The following SERTAD2 variants were observed in gnomAD, a reference collection of about 807,000 sequenced individuals.
SERTAD2 encodes SERTA domain containing 2.
In SERTAD2, 2 loss-of-function variants were observed where a neutral mutation model predicts 15.4. The ratio of observed to expected loss-of-function variants is 0.13; its 90% CI spans 0.05 to 0.41. The LOEUF (loss-of-function observed/expected upper bound fraction) is 0.41. SERTAD2 is among the 10% of genes least tolerant of loss of function. SERTAD2 has a pLI of 0.99. For synonymous variants in SERTAD2, 180 were observed against 178.0 expected, an observed-to-expected ratio of 1.01 and a Z score of -0.09; for missense variants, 333 against 409.7, an observed-to-expected ratio of 0.81 and a Z score of 1.62.
At chr2:64,639,580 G>A (rs1377438813) in intron 1 of SERTAD2, among the ~76,000 whole-genome samples, 1 of 152,218 alleles carries the variant, frequency 6.6e-6, no homozygotes, top group Admixed American at 6.5e-5. Flanking sequence ...ATTTAGGGAA[G>A]ATGGTGTAGA....
chr2:64,652,488 C>G (rs1220187945), intron 1 of SERTAD2, among the ~76,000 whole-genome samples: 1 of 152,210 alleles, frequency 6.6e-6, no homozygotes, highest in Non-Finnish European at 1.5e-5. Context: ...ATCCTGGTGA[C>G]TACAACTTCT....
intron 1 of SERTAD2, among the ~76,000 whole-genome samples, chr2:64,640,448 C>T (rs1467535989): frequency 6.7e-6 from 1 of 148,354 alleles, no homozygotes; most frequent in Non-Finnish European, 1.5e-5. Context: ...AGGTCAGGGT[C>T]GGCCCAGCTC....
In SERTAD2 at chr2:64,636,470, T is replaced by C. The variant is rs752443310; in HGVS notation, c.402A>G (p.Ser134=). Residue 134 remains serine (S), a synonymous_variant, in exon 2 of 2, where the codon TCA becomes TCG. Transcript: ENST00000313349. ...TPLEACLTPA[S]LLEDDDDTFC... ...ACGTGTCATCGTCGTCCTCGAGCAG[T>C]GAGGCCGGGGTGAGGCAGGCCTCCA... The C allele has an allele frequency of 6.2e-7, 1 of 1,613,900 alleles. No homozygotes were observed.
intron 1 of SERTAD2, among the ~76,000 whole-genome samples, chr2:64,640,881 C>A (rs1456152695): frequency 1.3e-5 from 2 of 152,186 alleles, no homozygotes; most frequent in East Asian, 3.8e-4. Flanking sequence ...TTCTGCCCAC[C>A]CTAAGGGGCC....
intron 1 of SERTAD2, among the ~76,000 whole-genome samples, chr2:64,646,935 G>A (rs940744498): frequency 1.1e-4 from 16 of 152,092 alleles, no homozygotes; most frequent in African/African-American, 3.9e-4. Flanking sequence ...CAATAAATTC[G>A]GCACTAAGCT....
Position 64,651,414 on chromosome 2 carries a change from G to A in SERTAD2, c.-5+2206C>T, listed in dbSNP as rs539902203. Among the ~76,000 whole-genome samples the A allele has an allele frequency of 4.6e-5, 7 of 152,282 alleles. 1 individual carries two copies. In the South Asian group the frequency reaches 1.2e-3, roughly 27 times the overall value. ...AAACTGCCTTCATACGTTTTGTAAT[G>A]TTTTTTGTGTGTGATGCATGTGTGT... On this transcript the variant is annotated intron_variant, in intron 1 of 1. Coordinates refer to ENST00000313349, the MANE Select transcript of SERTAD2 (RefSeq NM_014755.3).
intron 1 of SERTAD2, among the ~76,000 whole-genome samples, chr2:64,649,107 CA>C (rs1161151346): frequency 1.3e-5 from 2 of 152,236 alleles, no homozygotes; most frequent in East Asian, 3.8e-4. Flanking sequence ...CAGTTTAAAG[CA>C]GCTGCCAGCT....
rs1424735897 is a variant in SERTAD2, at chr2:64,652,249, C to G, written c.-5+1371G>C. ...TCTTCACAGCACACCCTAGCACACTCATATCAGAATAGACTGCTATAAAAA... is the reference window on the plus strand; with the variant it reads ...TCTTCACAGCACACCCTAGCACACTGATATCAGAATAGACTGCTATAAAAA... On this transcript the variant is annotated intron_variant, in intron 1 of 1. Coordinates refer to ENST00000313349, the MANE Select transcript of SERTAD2 (RefSeq NM_014755.3). Among the ~76,000 whole-genome samples the G allele has an allele frequency of 5.9e-5, 9 of 152,156 alleles. 1 individual carries two copies. The East Asian group carries it at 1.7e-3, about 29-fold the overall frequency.
intron 1 of SERTAD2, among the ~76,000 whole-genome samples, chr2:64,642,519 TA>T (rs939100710): frequency 2.0e-5 from 3 of 151,964 alleles, no homozygotes; most frequent in African/African-American, 7.3e-5. Flanking sequence ...TTTTTTTTTT[TA>T]AATTACTGTC....
Position 64,636,501 on chromosome 2 carries a change from G to A in SERTAD2, c.371C>T (p.Thr124Met), listed in dbSNP as rs199521891. The stretch of plus-strand genomic sequence containing the variant: ...CGGGGTGAGGCAGGCCTCCAGGGGC[G>A]TAGTGCTTCCGAGGTCGCAGGGGTG... ...SSHPCDLGST[T>M]PLEACLTPAS... Residue 124 changes from threonine (T) to methionine (M), a missense_variant, in exon 2 of 2, where the codon ACG becomes ATG. Transcript: ENST00000313349. The A allele has an allele frequency of 1.2e-5, 20 of 1,610,326 alleles. No individual in the cohort carries two copies. The highest frequency in any genetic ancestry group is 9.4e-5 in the African/African-American group (7 of 74,836).
At chr2:64,653,131 A>T (rs1004675952) in intron 1 of SERTAD2, among the ~76,000 whole-genome samples, 2 of 152,084 alleles carry the variant, frequency 1.3e-5, no homozygotes, top group African/African-American at 2.4e-5. Context: ...CAACATTATT[A>T]AAAAAAACAC....
chr2:64,647,103 A>G (rs1019341391), intron 1 of SERTAD2, among the ~76,000 whole-genome samples: 12 of 152,216 alleles, frequency 7.9e-5, no homozygotes, highest in African/African-American at 2.9e-4. Context: ...AAAATGTAAC[A>G]CAGTTAACCT....
intron 1 of SERTAD2, among the ~76,000 whole-genome samples, chr2:64,641,626 A>C (rs1674780556): frequency 1.3e-5 from 2 of 152,138 alleles, no homozygotes; most frequent in South Asian, 4.1e-4. Flanking sequence ...CAGCCAGGGC[A>C]GCACTGTAAA....
intron 1 of SERTAD2, among the ~76,000 whole-genome samples, chr2:64,639,919 G>T (rs190471938): frequency 6.6e-6 from 1 of 152,310 alleles, no homozygotes; most frequent in East Asian, 1.9e-4. Flanking sequence ...CTGCCTGGAA[G>T]GGGAGGGCAG....
chr2:64,635,636 T>C lies in SERTAD2; in HGVS notation c.*291A>G, dbSNP rs183497759. The C allele has an allele frequency of 2.0e-5, 6 of 302,668 alleles. No homozygotes were observed. Among genetic ancestry groups the C allele is most frequent in the African/African-American group, 1.3e-4 (6 of 47,722 alleles). The allele number at this position is 302,668 out of a possible 1,614,324, so 18.7% of individuals were successfully genotyped here. On this transcript the variant is annotated 3_prime_UTR_variant, in exon 2 of 2. Coordinates refer to ENST00000313349, the MANE Select transcript of SERTAD2 (RefSeq NM_014755.3). ...TCCAACTTAATCCTTGTGCTTCACT[T>C]GAACTGTTTATTTTTGTCATTCAAC...
Position 64,635,704 on chromosome 2 carries a change from T to C in SERTAD2, c.*223A>G. The C allele has an allele frequency of 2.0e-6, 1 of 498,312 alleles. No individual in the cohort carries two copies. Among genetic ancestry groups the C allele is most frequent in the Non-Finnish European group, 3.6e-6 (1 of 279,122 alleles). The allele number at this position is 498,312 out of a possible 1,614,324, so 30.9% of individuals were successfully genotyped here. On this transcript the variant is annotated 3_prime_UTR_variant, in exon 2 of 2. Transcript: ENST00000313349. Reference sequence around the variant, plus strand: ...AAATGGATTCTTTCCTATACCAGGGTAGTAGGTCTCTGAGGAACCACTCAA... The same window carrying C: ...AAATGGATTCTTTCCTATACCAGGGCAGTAGGTCTCTGAGGAACCACTCAA...
In SERTAD2 at chr2:64,636,493, C is replaced by T. The variant is rs1437283987; in HGVS notation, c.379G>A (p.Glu127Lys). Residue 127 changes from glutamate to lysine, a missense_variant, in exon 2 of 2, where the codon GAG (glutamate) becomes AAG (lysine). Physicochemically the swap from Glu to Lys is moderately conservative, Grantham distance 56. Around this residue, in one of 2 missense-constraint regions of SERTAD2, gnomAD observed 332 missense variants for 392.9 expected, o/e 0.84. Transcript: ENST00000313349. ...PCDLGSTTPL[E>K]ACLTPASLLE... ...AGTGAGGCCGGGGTGAGGCAGGCCT[C>T]CAGGGGCGTAGTGCTTCCGAGGTCG... 2 of 1,612,834 alleles carry T rather than the reference C, an allele frequency of 1.2e-6. No homozygotes were observed. The highest frequency in any genetic ancestry group is 1.7e-5 in the Admixed American group (1 of 59,994).
Position 64,636,541 on chromosome 2 carries a change from C to T in SERTAD2, c.331G>A (p.Ala111Thr). 2 of 1,597,838 alleles carry T rather than the reference C, an allele frequency of 1.3e-6. No homozygotes were observed. Among genetic ancestry groups the T allele is most frequent in the African/African-American group, 1.3e-5 (1 of 74,338 alleles). The change falls in exon 2 of 2, where the codon GCG (alanine) becomes ACG (threonine). Residue 111 changes from alanine to threonine, a missense_variant. Transcript: ENST00000313349. ...REAPPAFSHL[A>T]SPSSHPCDLG... ...TCGCAGGGGTGGGAGGACGGGGACG[C>T]CAGGTGGCTGAAGGCCGGCGGGGCC...
chr2:64,634,344 T>C lies in SERTAD2; in HGVS notation c.*1583A>G, dbSNP rs573140466. 2.3e-5 allele frequency: 3 copies of C among 130,792 alleles called. No individual in the cohort carries two copies. In the East Asian group the frequency reaches 7.1e-4, roughly 31 times the overall value. 8.1% of individuals were successfully genotyped at this position (130,792 alleles called of 1,614,324 possible). On this transcript the variant is annotated 3_prime_UTR_variant, in exon 2 of 2. Coordinates refer to ENST00000313349, the MANE Select transcript of SERTAD2 (RefSeq NM_014755.3). ...ATGTACACCACTAGGAATAAAAAGC[T>C]ACTTCTCAAGTGTGTCCTGGGAGAT... is the stretch of plus-strand genomic sequence containing the variant.
Sources: allele counts gnomAD v4.1 joint callset (sites outside exome capture counted in the v4.1 genomes callset), GRCh38; gene constraint gnomAD v4.1.1; regional missense constraint gnomAD v4.1.1; transcripts MANE v1.5; gene names NCBI Gene and HGNC (gene_info 2026-07-23, HGNC 2026-07-21).